NAV2: variants seen among roughly 807,000 people sequenced by gnomAD.
The protein encoded by NAV2 is neuron navigator 2.
Under a neutral mutation model 223.2 loss-of-function variants are expected in NAV2, and 54 were observed. The observed-to-expected ratio is 0.24, with a 90% CI of 0.19 to 0.30. The LOEUF (loss-of-function observed/expected upper bound fraction) is 0.30. NAV2 is among the 10% of genes least tolerant of loss of function. The pLI is 1.00. For missense variants in NAV2, 2,806 were observed against 3,147.5 expected (o/e 0.89, Z 2.60); for synonymous variants, 1,279 against 1,239.3 (o/e 1.03, Z -0.67).
chr11:19,600,010 G>A (rs966563949), intron 1 of NAV2, among the ~76,000 whole-genome samples: 1 of 152,164 alleles, frequency 6.6e-6, no homozygotes, highest in African/African-American at 2.4e-5. Context: ...TAGTTTATTT[G>A]GGAAGTGATT....
At chr11:19,709,218 T>A (rs952516819), upstream of NAV2, among the ~76,000 whole-genome samples, 3 of 152,084 alleles carry the variant, frequency 2.0e-5, no homozygotes, top group African/African-American at 7.2e-5. Context: ...TTGCTTTAAA[T>A]AAGAAAAATG....
chr11:20,090,739 A>T, intron 26 of NAV2, 126 bp from the exon 27 acceptor site: 1 of 937,790 alleles, frequency 1.1e-6, no homozygotes, highest in Non-Finnish European at 1.6e-6. Context: ...ATTGTCACCC[A>T]CAGGAAGCAC....
chr11:19,509,619 CT>C (rs1420329232), intron 1 of NAV2, among the ~76,000 whole-genome samples: 1 of 152,182 alleles, frequency 6.6e-6, no homozygotes, highest in Non-Finnish European at 1.5e-5. Context: ...AGAGCAGGCA[CT>C]GCGATAAATG....
chr11:19,843,922 T>C (rs1358580866), intron 3 of NAV2, among the ~76,000 whole-genome samples: 1 of 152,182 alleles, frequency 6.6e-6, no homozygotes, highest in East Asian at 1.9e-4. Context: ...CTTGGGCAAA[T>C]AGGCAGCCAT....
intron 10 of NAV2, among the ~76,000 whole-genome samples, chr11:19,960,446 C>A (rs1379524429): frequency 6.6e-6 from 1 of 151,926 alleles, no homozygotes; most frequent in Non-Finnish European, 1.5e-5. Context: ...GTCTTAAGCC[C>A]ATGGAAGAGT....
At chr11:19,854,652 AATG>A (rs1471848107) in intron 3 of NAV2, among the ~76,000 whole-genome samples, 1 of 151,998 alleles carries the variant, frequency 6.6e-6, no homozygotes, top group Non-Finnish European at 1.5e-5. Context: ...TTGATCCCTA[AATG>A]ATGATATTCT....
At chr11:19,992,041 T>C (rs1299753076) in intron 11 of NAV2, among the ~76,000 whole-genome samples, 1 of 152,228 alleles carries the variant, frequency 6.6e-6, no homozygotes, top group African/African-American at 2.4e-5. Context: ...AGAAGATGCT[T>C]CCAGCACAGT....
Position 20,007,254 on chromosome 11 carries a change from T to G in NAV2, c.2768+23007T>G, listed in dbSNP as rs115981710. Among the ~76,000 whole-genome samples the G allele has an allele frequency of 3.9e-3, 596 of 152,342 alleles. 10 individuals are homozygous for G. The highest frequency in any genetic ancestry group is 0.014 in the African/African-American group (577 of 41,584). Reference sequence around the variant, plus strand: ...TTGAGCCACTGTGCCCAGCCCATTTTTAGTAAGGGCTTTATTGGTGTAGTA... The same window carrying G: ...TTGAGCCACTGTGCCCAGCCCATTTGTAGTAAGGGCTTTATTGGTGTAGTA... On this transcript the variant is annotated intron_variant, in intron 11 of 37. Transcript: ENST00000349880.
chr11:19,612,837 A>C (rs2046682317), intron 1 of NAV2, among the ~76,000 whole-genome samples: 1 of 152,184 alleles, frequency 6.6e-6, no homozygotes, highest in Admixed American at 6.5e-5. Context: ...CTTCCACCTT[A>C]TCAGGTGTCT....
chr11:19,422,018 G>A (rs1487911092), intron 1 of NAV2, among the ~76,000 whole-genome samples: 1 of 152,062 alleles, frequency 6.6e-6, no homozygotes, highest in Non-Finnish European at 1.5e-5. Flanking sequence ...CTGCATCATG[G>A]GGTTGTTATA....
At chr11:19,725,462 G>A (rs1054540139) in intron 1 of NAV2, among the ~76,000 whole-genome samples, 7 of 152,170 alleles carry the variant, frequency 4.6e-5, no homozygotes, top group African/African-American at 1.2e-4. Flanking sequence ...AAGACTTGCT[G>A]TCTAAAGTAA....
At chr11:19,825,846 A>G (rs2059619855) in intron 1 of NAV2, among the ~76,000 whole-genome samples, 2 of 152,260 alleles carry the variant, frequency 1.3e-5, no homozygotes, top group South Asian at 4.1e-4. Context: ...AGTTATAAGC[A>G]AACAAATGAT....
At chr11:19,479,180 C>A (rs564450244) in intron 1 of NAV2, among the ~76,000 whole-genome samples, 4 of 152,042 alleles carry the variant, frequency 2.6e-5, no homozygotes, top group Non-Finnish European at 5.9e-5. Context: ...ACAGGGAGGT[C>A]AGGGAAGATG....
rs182462536 is a variant in NAV2 at position 19,843,587 on chromosome 11, A to G, written c.438+664A>G. On this transcript the variant is annotated intron_variant, in intron 3 of 37. Coordinates refer to ENST00000349880, the MANE Select transcript of NAV2 (RefSeq NM_145117.5). ...AATTTATCGTCATTGTTGAGTTCAG[A>G]AAACATTGGCTTAGTTTTTCACTTC... 2.4e-3 allele frequency among the ~76,000 whole-genome samples: 370 copies of G among 152,290 alleles called. 1 individual carries two copies. The highest frequency in any genetic ancestry group is 2.1e-3 in the Non-Finnish European group (145 of 68,032).
chr11:19,934,247 A>G lies in NAV2; in HGVS notation c.2003A>G (p.Asn668Ser). The part of the protein sequence containing the change: ...PQPQQQYNHP[N>S]TATVAPFLYR... ...CCCCAGCAGCAATACAACCATCCCAACACTGCCACGGTTGCACCTTTCCTG... is the reference window on the plus strand; with the variant it reads ...CCCCAGCAGCAATACAACCATCCCAGCACTGCCACGGTTGCACCTTTCCTG... The change falls in exon 7 of 38, where the codon AAC (asparagine) becomes AGC (serine). Residue 668 changes from asparagine to serine, a missense_variant. Transcript: ENST00000349880. 6.2e-7 allele frequency: 1 copy of G among 1,606,378 alleles called. No individual in the cohort carries two copies. Among genetic ancestry groups the G allele is most frequent in the Non-Finnish European group, 8.5e-7 (1 of 1,176,090 alleles).
rs1402206018 is a variant in NAV2, at chr11:19,842,970, C to T, written c.438+47C>T. ...AATGTTTGAGTTCTGTCAGCAAGCC[C>T]TGCCTCTAAGTGATATTGACCATCT... On this transcript the variant is annotated intron_variant, in intron 3 of 37. Coordinates refer to ENST00000349880, the MANE Select transcript of NAV2 (RefSeq NM_145117.5). 7 of 1,529,878 alleles carry T rather than the reference C, an allele frequency of 4.6e-6. No homozygotes were observed. The Admixed American group carries it at 1.2e-4, about 26-fold the overall frequency. The allele number at this position is 1,529,878 out of a possible 1,614,324, so 94.8% of individuals were successfully genotyped here.
chr11:19,493,634 G>A (rs1471047670), intron 1 of NAV2, among the ~76,000 whole-genome samples: 1 of 152,168 alleles, frequency 6.6e-6, no homozygotes, highest in Non-Finnish European at 1.5e-5. Context: ...GGCTGACGAA[G>A]TCCCCTGGGA....
At chr11:19,709,908 A>G (rs960714056), upstream of NAV2, among the ~76,000 whole-genome samples, 6 of 152,246 alleles carry the variant, frequency 3.9e-5, no homozygotes, top group African/African-American at 1.2e-4. Flanking sequence ...CTTGTCCTCA[A>G]GTGAAAGATC....
At chr11:19,631,741 C>A (rs1872803) in intron 1 of NAV2, among the ~76,000 whole-genome samples, 146,342 of 152,286 alleles carry the variant, frequency 0.96, 70,429 homozygotes, top group Non-Finnish European at 1. Context: ...GGCTGTGGTG[C>A]CCACTAGTGT....
Sources: allele counts gnomAD v4.1 joint callset (sites outside exome capture counted in the v4.1 genomes callset), GRCh38; gene constraint gnomAD v4.1.1; transcripts MANE v1.5; gene names NCBI Gene and HGNC (gene_info 2026-07-23, HGNC 2026-07-21).